CSMD1: variants seen among roughly 807,000 people sequenced by gnomAD.
CSMD1 encodes CUB and Sushi multiple domains 1.
Under a neutral mutation model 417.5 loss-of-function variants are expected in CSMD1, and 213 were observed. That is an observed-to-expected ratio of 0.51 (90% CI 0.46 to 0.57). The LOEUF is 0.57. CSMD1 is among the 20% of genes least tolerant of loss of function. CSMD1 has a pLI of 0.00. For missense variants in CSMD1, 6,923 were observed against 4,529.7 expected, an observed-to-expected ratio of 1.53 and a Z score of -15.17; for synonymous variants, 2,862 against 1,736.8, an observed-to-expected ratio of 1.65 and a Z score of -16.11.
chr8:3,414,784 C>T (rs1813024170), intron 12 of CSMD1, among the ~76,000 whole-genome samples: 1 of 152,192 alleles, frequency 6.6e-6, no homozygotes, highest in African/African-American at 2.4e-5. Context: ...CTCCCCTCTT[C>T]AGCCTTCACA....
At chr8:3,631,925 T>C (rs1796802771) in intron 7 of CSMD1, among the ~76,000 whole-genome samples, 1 of 152,204 alleles carries the variant, frequency 6.6e-6, no homozygotes, top group African/African-American at 2.4e-5. Context: ...ACCCCCCAGA[T>C]CACTGCCTCT....
intron 5 of CSMD1, among the ~76,000 whole-genome samples, chr8:3,952,367 T>A: frequency 6.6e-6 from 1 of 152,190 alleles, no homozygotes; most frequent in East Asian, 1.9e-4. Context: ...GAACCAAACA[T>A]AAAATAGATT....
chr8:4,123,506 G>A (rs1466749618), intron 3 of CSMD1, among the ~76,000 whole-genome samples: 7 of 152,154 alleles, frequency 4.6e-5, no homozygotes, highest in African/African-American at 1.7e-4. Context: ...GAAGATTCGG[G>A]ACTGTGTTTT....
intron 5 of CSMD1, among the ~76,000 whole-genome samples, chr8:3,971,650 T>A (rs947874214): frequency 6.6e-6 from 1 of 152,186 alleles, no homozygotes; most frequent in Non-Finnish European, 1.5e-5. Flanking sequence ...AAGACAATCC[T>A]GATCCGTGTG....
intron 27 of CSMD1, among the ~76,000 whole-genome samples, chr8:3,226,725 T>C (rs780796590): frequency 6.6e-6 from 1 of 151,774 alleles, no homozygotes. Flanking sequence ...AAGTGAGGTA[T>C]CCAAGCAACA....
At chr8:3,241,337 C>T (rs553958957) in intron 26 of CSMD1, among the ~76,000 whole-genome samples, 76 of 151,766 alleles carry the variant, frequency 5.0e-4, no homozygotes, top group African/African-American at 1.8e-3. Flanking sequence ...GAAACAGGTC[C>T]TTGAAAAGAA....
rs75875091 is a variant in CSMD1 at position 4,168,974 on chromosome 8, G to A, written c.416-136875C>T. Among the ~76,000 whole-genome samples the A allele has an allele frequency of 3.8e-3, 578 of 152,148 alleles. 4 individuals are homozygous for A. Among genetic ancestry groups the A allele is most frequent in the South Asian group, 0.011 (55 of 4,810 alleles). On this transcript the variant is annotated intron_variant, in intron 3 of 69. Transcript: ENST00000635120. ...TGATCATCTCTGCTATCCTCAGGCC[G>A]TTCTCCTCATTTTCCTACTATCTTA...
chr8:4,906,576 C>CTTTTTTTTTTT (rs10626735), intron 1 of CSMD1, among the ~76,000 whole-genome samples: 1 of 151,058 alleles, frequency 6.6e-6, no homozygotes, highest in African/African-American at 2.4e-5. Context: ...TTTTGAGTTG[C>CTTTTTTTTTTT]TTTTTTTTCC....
chr8:3,985,682 C>T (rs567510488), intron 5 of CSMD1, among the ~76,000 whole-genome samples: 1 of 151,992 alleles, frequency 6.6e-6, no homozygotes, highest in Non-Finnish European at 1.5e-5. Flanking sequence ...ATTCTCATTA[C>T]AACCTCCAAG....
At chr8:3,514,843 G>C (rs973869772) in intron 10 of CSMD1, among the ~76,000 whole-genome samples, 1 of 151,932 alleles carries the variant, frequency 6.6e-6, no homozygotes, top group Non-Finnish European at 1.5e-5. Flanking sequence ...ACATATTGCT[G>C]ATAATATCTA....
chr8:3,251,028 A>C (rs553088689), intron 26 of CSMD1, among the ~76,000 whole-genome samples: 1 of 152,024 alleles, frequency 6.6e-6, no homozygotes, highest in African/African-American at 2.4e-5. Flanking sequence ...GTTCACTCTG[A>C]TGGTAGTTTC....
At chr8:3,348,184 G>C in intron 21 of CSMD1, 23 bp from the exon 22 acceptor site, 4 of 1,589,018 alleles carry the variant, frequency 2.5e-6, no homozygotes, top group Non-Finnish European at 2.6e-6. Flanking sequence ...GGACATGAGA[G>C]AAAGAGGATT....
chr8:3,524,731 CAT>C (rs769623270), intron 10 of CSMD1, among the ~76,000 whole-genome samples: 6 of 151,116 alleles, frequency 4.0e-5, no homozygotes, highest in Non-Finnish European at 5.9e-5. Flanking sequence ...CACACACACA[CAT>C]GCACACCGAG....
At chr8:3,390,354 C>CAAAAAAA (rs35292914) in intron 17 of CSMD1, among the ~76,000 whole-genome samples, 1 of 64,246 alleles carries the variant, frequency 1.6e-5, no homozygotes, top group Non-Finnish European at 2.7e-5. Context: ...GACTCTGTCT[C>CAAAAAAA]AAAAAAAAAA....
chr8:4,922,664 G>A (rs1284856155), intron 1 of CSMD1, among the ~76,000 whole-genome samples: 2 of 152,102 alleles, frequency 1.3e-5, no homozygotes. Flanking sequence ...GGTGCAGCCT[G>A]GGAAATTTCT....
intron 4 of CSMD1, among the ~76,000 whole-genome samples, chr8:4,025,408 G>A (rs1797009758): frequency 6.6e-6 from 1 of 152,108 alleles, no homozygotes; most frequent in Non-Finnish European, 1.5e-5. Flanking sequence ...ATCTATCCTA[G>A]GCTGTACCAT....
chr8:4,014,756 G>C (rs1266879766), intron 4 of CSMD1, among the ~76,000 whole-genome samples: 3 of 152,132 alleles, frequency 2.0e-5, no homozygotes, highest in African/African-American at 7.2e-5. Context: ...TCACAAAGAA[G>C]GGCATTTACC....
chr8:3,745,381 G>C (rs1014657739), intron 6 of CSMD1, among the ~76,000 whole-genome samples: 2 of 152,136 alleles, frequency 1.3e-5, no homozygotes, highest in Non-Finnish European at 2.9e-5. Flanking sequence ...CAGCAGGAGG[G>C]AACCCTCTGA....
Position 4,258,674 on chromosome 8 carries a change from C to T in CSMD1, c.415+161279G>A, listed in dbSNP as rs186472126. Among the ~76,000 whole-genome samples the T allele has an allele frequency of 1.6e-3, 241 of 150,670 alleles. 2 individuals are homozygous for T. Among genetic ancestry groups the T allele is most frequent in the African/African-American group, 5.7e-3 (234 of 40,976 alleles). ...CAGAACTTCATCTAAAAGTAATCAC[C>T]TTCCAGAGGACTTACCTCCAAATAC... On this transcript the variant is annotated intron_variant, in intron 3 of 69. Transcript: ENST00000635120.
Sources: allele counts gnomAD v4.1 joint callset (sites outside exome capture counted in the v4.1 genomes callset), GRCh38; gene constraint gnomAD v4.1.1; transcripts MANE v1.5; gene names NCBI Gene and HGNC (gene_info 2026-07-23, HGNC 2026-07-21).